ABRAXAS2: variants seen among roughly 807,000 people sequenced by gnomAD.
The protein encoded by ABRAXAS2 is BRISC complex subunit Abraxas 2.
ABRAXAS2 carries 23 observed loss-of-function variants against 49.0 expected under a neutral mutation model. The observed-to-expected ratio is 0.47, with a 90% CI of 0.34 to 0.66. The LOEUF is 0.66. Ranked by LOEUF, ABRAXAS2 falls within the 30% of genes least tolerant of loss-of-function variation. The pLI is 0.01. For missense variants in ABRAXAS2, 443 were observed against 511.9 expected (o/e 0.87, Z 1.30); for synonymous variants, 168 against 180.2 (o/e 0.93, Z 0.54).
intron 4 of ABRAXAS2, 90 bp from the exon 5 acceptor site, chr10:124,826,505 A>G (rs2134170166): frequency 1.5e-6 from 2 of 1,301,922 alleles, no homozygotes; most frequent in Non-Finnish European, 2.2e-6. Flanking sequence ...ACATAAAGCT[A>G]CTATGAACAT....
In ABRAXAS2 at chr10:124,835,080, C is replaced by G; in HGVS notation, c.*109C>G. On this transcript the variant is annotated 3_prime_UTR_variant, in exon 9 of 9. Transcript: ENST00000298492. Reference sequence around the variant, plus strand: ...AACTGCTTTCTCAGATACCTTAACTCCCGAGAAGAGAGTCCTTGTGCACAG... The same window carrying G: ...AACTGCTTTCTCAGATACCTTAACTGCCGAGAAGAGAGTCCTTGTGCACAG... 1.2e-6 allele frequency: 1 copy of G among 807,242 alleles called. No individual in the cohort carries two copies. The highest frequency in any genetic ancestry group is 2.7e-5 in the East Asian group (1 of 37,374). 50.0% of individuals were successfully genotyped at this position (807,242 alleles called of 1,614,324 possible). A position where few individuals can be genotyped will look rare whatever the true frequency, so the allele number is the denominator to read the frequency against.
intron 8 of ABRAXAS2, among the ~76,000 whole-genome samples, chr10:124,831,953 A>G (rs1306038721): frequency 1.3e-5 from 2 of 149,106 alleles, no homozygotes; most frequent in Admixed American, 6.9e-5. Flanking sequence ...CCTGGGTTCA[A>G]ACGATTCTCC....
At chr10:124,810,044 C>T (rs541532874) in intron 2 of ABRAXAS2, among the ~76,000 whole-genome samples, 1 of 152,198 alleles carries the variant, frequency 6.6e-6, no homozygotes, top group African/African-American at 2.4e-5. Flanking sequence ...TGAGTCACCA[C>T]GCCCAGCCAT....
At chr10:124,819,861 A>G (rs780558210) in intron 4 of ABRAXAS2, among the ~76,000 whole-genome samples, 4 of 152,182 alleles carry the variant, frequency 2.6e-5, no homozygotes, top group Admixed American at 6.5e-5. Context: ...CAACATTTGC[A>G]TATGATGTTC....
At chr10:124,803,183 A>G (rs1435463126) in intron 1 of ABRAXAS2, among the ~76,000 whole-genome samples, 1 of 152,222 alleles carries the variant, frequency 6.6e-6, no homozygotes, top group Non-Finnish European at 1.5e-5. Context: ...TGGCAAGATT[A>G]CTGTAAGAAC....
chr10:124,833,306 C>A (rs1475421006), intron 8 of ABRAXAS2, among the ~76,000 whole-genome samples: 5 of 144,048 alleles, frequency 3.5e-5, no homozygotes, highest in South Asian at 2.2e-4. Flanking sequence ...ATCTCTACTT[C>A]AAAAAAAAAA....
chr10:124,805,091 A>G (rs1950731986), intron 1 of ABRAXAS2, among the ~76,000 whole-genome samples: 1 of 152,176 alleles, frequency 6.6e-6, no homozygotes, highest in African/African-American at 2.4e-5. Flanking sequence ...AATCAAATAC[A>G]AAAACTAGGC....
rs150232302 is a variant in ABRAXAS2, at chr10:124,818,493, A to G, written c.201-891A>G. 2.9e-3 allele frequency among the ~76,000 whole-genome samples: 444 copies of G among 152,308 alleles called. 3 individuals are homozygous for G. Among genetic ancestry groups the G allele is most frequent in the Middle Eastern group, 0.01 (3 of 294 alleles). On this transcript the variant is annotated intron_variant, in intron 3 of 8. Transcript: ENST00000298492. ...TTCCAAACTCCTTATTTTGCAAAAAATGGAATGGAAACCAGGTGGAGTGAC... is the reference window on the plus strand; with the variant it reads ...TTCCAAACTCCTTATTTTGCAAAAAGTGGAATGGAAACCAGGTGGAGTGAC...
At chr10:124,806,019 G>A (rs938696735) in intron 1 of ABRAXAS2, among the ~76,000 whole-genome samples, 4 of 152,120 alleles carry the variant, frequency 2.6e-5, no homozygotes, top group Non-Finnish European at 5.9e-5. Flanking sequence ...AAAAAGGTTC[G>A]GCTGGGCACG....
At chr10:124,805,074 C>A (rs1454833479) in intron 1 of ABRAXAS2, among the ~76,000 whole-genome samples, 1 of 152,104 alleles carries the variant, frequency 6.6e-6, no homozygotes, top group Non-Finnish European at 1.5e-5. Flanking sequence ...GACACTCCCC[C>A]TCCTCAAATC....
intron 1 of ABRAXAS2, among the ~76,000 whole-genome samples, chr10:124,804,158 C>G (rs547019262): frequency 6.6e-6 from 1 of 152,240 alleles, no homozygotes; most frequent in South Asian, 2.1e-4. Flanking sequence ...CGTTTTTGGC[C>G]TCTTAAAGTG....
intron 4 of ABRAXAS2, among the ~76,000 whole-genome samples, chr10:124,822,468 A>G (rs763849487): frequency 1.8e-4 from 28 of 152,086 alleles, no homozygotes; most frequent in South Asian, 2.1e-4. Context: ...TTTAATGACT[A>G]TGTATTTTAT....
rs141996152 is a variant in ABRAXAS2 at position 124,801,885 on chromosome 10, A to T, written c.56A>T (p.Asn19Ile). The stretch of plus-strand genomic sequence containing the variant: ...AGTGCTGTGTGTTTCCACAGCGCCA[A>T]CAGCAACGCGGACCACGTAGGTGCC... ...TFSAVCFHSA[N>I]SNADHEGFLL... is the part of the protein sequence containing the mutation. Residue 19 changes from asparagine (N) to isoleucine (I), a missense_variant, in exon 1 of 9, where the codon AAC becomes ATC. Physicochemically the swap from Asn to Ile is moderately radical, Grantham distance 149. Around this residue, in one of 3 missense-constraint regions of ABRAXAS2, gnomAD observed 47 missense variants for 27.6 expected, o/e 1.70. Transcript: ENST00000298492. The T allele has an allele frequency of 6.2e-7, 1 of 1,612,946 alleles. No homozygotes were observed. The highest frequency in any genetic ancestry group is 2.2e-5 in the East Asian group (1 of 44,644).
At chr10:124,804,747 T>C (rs957491368) in intron 1 of ABRAXAS2, among the ~76,000 whole-genome samples, 6 of 145,678 alleles carry the variant, frequency 4.1e-5, no homozygotes, top group Non-Finnish European at 7.5e-5. Context: ...AGAGTCTTGC[T>C]CTGTCACCCA....
intron 5 of ABRAXAS2, among the ~76,000 whole-genome samples, chr10:124,827,180 G>A (rs1215644502): frequency 7.3e-6 from 1 of 136,586 alleles, no homozygotes; most frequent in African/African-American, 2.9e-5. Flanking sequence ...TTTTTTTTGA[G>A]ACAGAGTCCA....
intron 5 of ABRAXAS2, among the ~76,000 whole-genome samples, chr10:124,828,027 G>T (rs1311586705): frequency 2.0e-5 from 3 of 152,126 alleles, no homozygotes; most frequent in Non-Finnish European, 2.9e-5. Context: ...GATAAGCAAG[G>T]TTTTACTTTA....
intron 4 of ABRAXAS2, among the ~76,000 whole-genome samples, chr10:124,825,125 C>T (rs1360377090): frequency 6.6e-6 from 1 of 151,810 alleles, no homozygotes; most frequent in East Asian, 1.9e-4. Context: ...AGTTCAAGAC[C>T]CACCTAGCCA....
chr10:124,827,317 G>C (rs930269924), intron 5 of ABRAXAS2, among the ~76,000 whole-genome samples: 15 of 151,578 alleles, frequency 9.9e-5, no homozygotes, highest in African/African-American at 2.4e-4. Flanking sequence ...ACACCACCAT[G>C]CTGGCTAATT....
chr10:124,819,363 A>G (rs919844235), intron 3 of ABRAXAS2, 21 bp from the exon 4 acceptor site: 7 of 1,608,974 alleles, frequency 4.4e-6, no homozygotes, highest in Non-Finnish European at 5.1e-6. Context: ...TGTTAGTACA[A>G]GATTTTTTTC....
Sources: allele counts gnomAD v4.1 joint callset (sites outside exome capture counted in the v4.1 genomes callset), GRCh38; gene constraint gnomAD v4.1.1; regional missense constraint gnomAD v4.1.1; transcripts MANE v1.5; gene names NCBI Gene and HGNC (gene_info 2026-07-23, HGNC 2026-07-21).